Variants in FGF14 observed in about 807,000 individuals in gnomAD.
FGF14 encodes the protein fibroblast growth factor homologous factor 4.
FGF14 carries 5 observed loss-of-function variants against 25.5 expected under a neutral mutation model. The ratio of observed to expected loss-of-function variants is 0.20; its 90% CI spans 0.10 to 0.41. The LOEUF (loss-of-function observed/expected upper bound fraction) is 0.41. Ranked by LOEUF, FGF14 falls within the 10% of genes least tolerant of loss-of-function variation. FGF14 has a pLI of 1.00. For synonymous variants in FGF14, 138 were observed against 118.3 expected (o/e 1.17, Z -1.08); for missense variants, 222 against 320.1 (o/e 0.69, Z 2.34).
intron 1 of FGF14, among the ~76,000 whole-genome samples, chr13:102,120,756 T>G (rs981790624): frequency 1.5e-4 from 23 of 149,548 alleles, no homozygotes; most frequent in African/African-American, 5.7e-4. Context: ...CAGGCTGGAG[T>G]GCAGTGACAC....
intron 1 of FGF14, among the ~76,000 whole-genome samples, chr13:102,003,838 CCATA>C (rs1273087453): frequency 1.3e-5 from 2 of 151,850 alleles, no homozygotes; most frequent in African/African-American, 4.8e-5. Context: ...CTTCCAATGC[CCATA>C]TATATAGCCA....
At chr13:102,394,767 G>A (rs1276685773) in intron 1 of FGF14, 1 of 152,396 alleles carries the variant, frequency 6.6e-6, no homozygotes. Flanking sequence ...TGGCCCGTTG[G>A]GCTCCCTCCT....
chr13:102,126,573 G>T (rs2045958008), intron 1 of FGF14, among the ~76,000 whole-genome samples: 1 of 152,232 alleles, frequency 6.6e-6, no homozygotes, highest in African/African-American at 2.4e-5. Flanking sequence ...GTTCCTTTGG[G>T]TATATACCTC....
chr13:101,743,285 T>C (rs2036669039), intron 3 of FGF14, among the ~76,000 whole-genome samples: 1 of 152,186 alleles, frequency 6.6e-6, no homozygotes, highest in Non-Finnish European at 1.5e-5. Flanking sequence ...AATGAAGAGA[T>C]CTGTAATACT....
chr13:101,997,679 C>T (rs1365525758), intron 1 of FGF14, among the ~76,000 whole-genome samples: 1 of 152,068 alleles, frequency 6.6e-6, no homozygotes, highest in Non-Finnish European at 1.5e-5. Context: ...AAAACCACTG[C>T]ATTACAAGCT....
At chr13:102,391,506 T>G (rs1252824622) in intron 1 of FGF14, among the ~76,000 whole-genome samples, 1 of 152,238 alleles carries the variant, frequency 6.6e-6, no homozygotes, top group East Asian at 1.9e-4. Flanking sequence ...CTATATCAAA[T>G]TTCTTAACTG....
intron 1 of FGF14, among the ~76,000 whole-genome samples, chr13:102,001,159 A>G (rs2039474457): frequency 6.6e-6 from 1 of 152,276 alleles, no homozygotes; most frequent in Non-Finnish European, 1.5e-5. Flanking sequence ...CAATTAAAGA[A>G]TAAATTGAAA....
At chr13:102,284,357 G>C (rs1202530535) in intron 1 of FGF14, among the ~76,000 whole-genome samples, 3 of 152,064 alleles carry the variant, frequency 2.0e-5, no homozygotes, top group Admixed American at 1.3e-4. Flanking sequence ...AATGACTTAG[G>C]GTTGCTGGGT....
chr13:101,917,442 G>A (rs764049229), upstream of FGF14, among the ~76,000 whole-genome samples: 2 of 152,188 alleles, frequency 1.3e-5, no homozygotes, highest in Non-Finnish European at 2.9e-5. Context: ...GCCAAAGCAG[G>A]TGGAATTGAA....
chr13:102,207,490 C>T (rs9518654), intron 1 of FGF14, among the ~76,000 whole-genome samples: 21,917 of 149,522 alleles, frequency 0.15, 2,492 homozygotes, highest in African/African-American at 0.31. Context: ...TAAATTTTTT[C>T]AAAAAACAAA....
At chr13:101,837,775 G>A (rs1337910064) in intron 3 of FGF14, among the ~76,000 whole-genome samples, 1 of 151,992 alleles carries the variant, frequency 6.6e-6, no homozygotes, top group East Asian at 1.9e-4. Flanking sequence ...TTAATATTGT[G>A]TCAACTTGAT....
chr13:102,353,410 G>A (rs2057342126), intron 1 of FGF14, among the ~76,000 whole-genome samples: 1 of 152,108 alleles, frequency 6.6e-6, no homozygotes, highest in Admixed American at 6.5e-5. Flanking sequence ...TCACCCCAAA[G>A]CTGTGCCTCC....
At chr13:102,211,810 A>G (rs1566822315) in intron 1 of FGF14, among the ~76,000 whole-genome samples, 1 of 152,230 alleles carries the variant, frequency 6.6e-6, no homozygotes, top group Non-Finnish European at 1.5e-5. Context: ...CAAACAGAGC[A>G]GAGGAGCTGG....
At chr13:102,159,881 C>G (rs2047541531) in intron 1 of FGF14, among the ~76,000 whole-genome samples, 1 of 152,172 alleles carries the variant, frequency 6.6e-6, no homozygotes. Context: ...ATTTAAGTAT[C>G]TCATCTCAGT....
chr13:101,800,716 G>T (rs2040823532), intron 3 of FGF14, among the ~76,000 whole-genome samples: 1 of 152,184 alleles, frequency 6.6e-6, no homozygotes, highest in African/African-American at 2.4e-5. Context: ...AGGAAGTGCA[G>T]CTCAGCTTTA....
At chr13:101,767,987 C>A (rs2038514270) in intron 3 of FGF14, among the ~76,000 whole-genome samples, 1 of 149,622 alleles carries the variant, frequency 6.7e-6, no homozygotes, top group Non-Finnish European at 1.5e-5. Context: ...CTTTGATGCC[C>A]ATATTTGTAT....
intron 1 of FGF14, among the ~76,000 whole-genome samples, chr13:102,318,614 C>T (rs1193567917): frequency 2.6e-5 from 4 of 152,134 alleles, no homozygotes; most frequent in African/African-American, 7.2e-5. Context: ...TGGCATTCTC[C>T]GAGTCCCTAT....
chr13:101,968,125 C>A (rs1262878931), intron 1 of FGF14, among the ~76,000 whole-genome samples: 4 of 152,174 alleles, frequency 2.6e-5, no homozygotes, highest in African/African-American at 9.7e-5. Flanking sequence ...ATTCTACAAC[C>A]AACCTCTGTT....
At chr13:102,151,954 T>C (rs1431516607) in intron 1 of FGF14, among the ~76,000 whole-genome samples, 1 of 152,208 alleles carries the variant, frequency 6.6e-6, no homozygotes, top group Non-Finnish European at 1.5e-5. Flanking sequence ...AAGATTACAA[T>C]GCATTATTAG....
Sources: gnomAD v4.1 joint callset for allele counts (sites outside exome capture counted in the v4.1 genomes callset) on GRCh38, gnomAD v4.1.1 for gene constraint, MANE v1.5 for transcripts, NCBI Gene and HGNC (gene_info 2026-07-23, HGNC 2026-07-21) for gene names.